CBFA2T3: variants seen among roughly 807,000 people sequenced by gnomAD.
CBFA2T3 encodes the protein CBFA2/RUNX1 partner transcriptional co-repressor 3, also known as transcriptional corepressor CBFA2T3.
A neutral mutation model predicts 58.6 loss-of-function variants in CBFA2T3; 31 were observed. That is an observed-to-expected ratio of 0.53 (90% CI 0.40 to 0.71). The LOEUF (loss-of-function observed/expected upper bound fraction) is 0.71. Among genes scored for constraint, CBFA2T3 ranks in the 30% least tolerant of loss-of-function variants. The pLI is 0.00. For missense variants in CBFA2T3, 1,076 were observed against 963.1 expected (o/e 1.12, Z -1.55); for synonymous variants, 531 against 421.9 (o/e 1.26, Z -3.17).
Position 88,954,358 on chromosome 16 carries a change from C to CCCA in CBFA2T3, c.151+22298_151+22299insTGG, listed in dbSNP as rs1567632764. Among the ~76,000 whole-genome samples the CCCA allele has an allele frequency of 3.2e-4, 46 of 143,772 alleles. 4 individuals are homozygous for CCCA. Among genetic ancestry groups the CCCA allele is most frequent in the African/African-American group, 1.3e-3 (45 of 35,534 alleles). 94.3% of individuals were successfully genotyped at this position (143,772 alleles called of 152,430 possible). A position where few individuals can be genotyped will look rare whatever the true frequency, so the allele number is the denominator to read the frequency against. ...CCTGACCCCAGCCAAGGCTCCTGAC[C>CCCA]TCACCCAAGGCTCCTGACCCCACCC... is the stretch of plus-strand genomic sequence containing the variant. On this transcript the variant is annotated intron_variant, in intron 1 of 11. Coordinates refer to ENST00000268679, the MANE Select transcript of CBFA2T3 (RefSeq NM_005187.6).
rs915266157 is a variant in CBFA2T3 at position 88,953,177 on chromosome 16, G to A, written c.151+23480C>T. 7.2e-5 allele frequency among the ~76,000 whole-genome samples: 11 copies of A among 152,246 alleles called. No individual in the cohort carries two copies. The East Asian group carries it at 7.7e-4, about 11-fold the overall frequency. On this transcript the variant is annotated intron_variant, in intron 1 of 11. Transcript: ENST00000268679. The surrounding 1 kb of genome is among the most constrained non-coding windows in gnomAD (Gnocchi z 4.9). ...ATGAGGAGTGCCGTGCCTGGGCTGG[G>A]CCATCGCCTCTCTCCCTCGGCTGGG...
At chr16:88,878,445 G>C (rs1968924106) in intron 11 of CBFA2T3, among the ~76,000 whole-genome samples, 1 of 152,236 alleles carries the variant, frequency 6.6e-6, no homozygotes, top group African/African-American at 2.4e-5. Flanking sequence ...GGCTCCCCTG[G>C]AAAGGGTCTC....
In CBFA2T3 at chr16:88,953,986, G is replaced by A. The variant is rs910952776; in HGVS notation, c.151+22671C>T. Among the ~76,000 whole-genome samples the A allele has an allele frequency of 6.6e-6, 1 of 152,114 alleles. No homozygotes were observed. The highest frequency in any genetic ancestry group is 2.4e-5 in the African/African-American group (1 of 41,404). ...GCCTCTAACAGCTGACACCATGTCAGGACAGTGGCTACCTAGCAGGAAGCT... is the reference window on the plus strand; with the variant it reads ...GCCTCTAACAGCTGACACCATGTCAAGACAGTGGCTACCTAGCAGGAAGCT... On this transcript the variant is annotated intron_variant, in intron 1 of 11. Coordinates refer to ENST00000268679, the MANE Select transcript of CBFA2T3 (RefSeq NM_005187.6). The surrounding 1 kb of genome is among the most constrained non-coding windows in gnomAD (Gnocchi z 4.9).
At chr16:88,942,504 C>G (rs1405499487) in intron 1 of CBFA2T3, among the ~76,000 whole-genome samples, 1 of 152,214 alleles carries the variant, frequency 6.6e-6, no homozygotes, top group Non-Finnish European at 1.5e-5. Context: ...TGCCGCGGGC[C>G]TTTTCCCCCC....
At chr16:88,887,400 C>T (rs1359926721) in intron 5 of CBFA2T3, among the ~76,000 whole-genome samples, 2 of 152,138 alleles carry the variant, frequency 1.3e-5, no homozygotes, top group African/African-American at 4.8e-5. Flanking sequence ...GTTCGGGAAC[C>T]GGCTGGTCGC....
chr16:88,891,727 G>A (rs1471176544), intron 5 of CBFA2T3, among the ~76,000 whole-genome samples, 155 bp downstream of exon 5: 1 of 151,966 alleles, frequency 6.6e-6, no homozygotes, highest in African/African-American at 2.4e-5. Context: ...GTCCCAGGTT[G>A]GCCAAGATCG....
chr16:88,955,959 C>G (rs1376020527), intron 1 of CBFA2T3, among the ~76,000 whole-genome samples: 3 of 147,194 alleles, frequency 2.0e-5, no homozygotes, highest in Non-Finnish European at 4.4e-5. Context: ...CTGACCCCAG[C>G]CAAGGCTCCT....
chr16:88,910,501 C>T (rs1048603138), intron 1 of CBFA2T3, among the ~76,000 whole-genome samples: 3 of 152,224 alleles, frequency 2.0e-5, no homozygotes, highest in Non-Finnish European at 2.9e-5. Context: ...AGGCACAGCC[C>T]ACTGAGGACC....
At chr16:88,968,923 C>T (rs1972580686) in intron 1 of CBFA2T3, among the ~76,000 whole-genome samples, 2 of 151,830 alleles carry the variant, frequency 1.3e-5, no homozygotes, top group African/African-American at 4.8e-5. Context: ...CCTCTGAGCT[C>T]CAGGGTCTGC....
chr16:88,900,379 G>A (rs896061617), intron 2 of CBFA2T3, among the ~76,000 whole-genome samples: 1 of 152,274 alleles, frequency 6.6e-6, no homozygotes, highest in African/African-American at 2.4e-5. Flanking sequence ...CTCTCCAGAT[G>A]GAGGGGAGAT....
rs1295414878 is a variant in CBFA2T3 at position 88,898,844 on chromosome 16, G to A, written c.305-692C>T. Among the ~76,000 whole-genome samples, 3 of 152,312 alleles carry A rather than the reference G, an allele frequency of 2.0e-5. No individual in the cohort carries two copies. The East Asian group carries it at 5.8e-4, about 29-fold the overall frequency. ...TCAAGACCAGCCTGGGCGACGTAGG[G>A]AGACCCAAACTCTACTATATAAAAA... On this transcript the variant is annotated intron_variant, in intron 2 of 11. Coordinates refer to ENST00000268679, the MANE Select transcript of CBFA2T3 (RefSeq NM_005187.6).
intron 1 of CBFA2T3, among the ~76,000 whole-genome samples, chr16:88,916,179 T>C (rs939718317): frequency 6.6e-5 from 10 of 150,602 alleles, no homozygotes; most frequent in Non-Finnish European, 7.4e-5. Flanking sequence ...TGTATTCATG[T>C]GTGCGCATGG....
chr16:88,877,097 G>C lies in CBFA2T3; in HGVS notation c.1841C>G (p.Ala614Gly). The C allele has an allele frequency of 6.5e-7, 1 of 1,542,740 alleles. No individual in the cohort carries two copies. The highest frequency in any genetic ancestry group is 8.7e-7 in the Non-Finnish European group (1 of 1,143,402). The part of the protein sequence containing the change: ...ADPVPGPPEA[A>G]HSLGPSLPVG... ...AGGCAGGGAGGGGCCCAGGCTGTGG[G>C]CGGCTTCGGGCGGTCCAGGCACCGG... is the stretch of plus-strand genomic sequence containing the variant. The change falls in exon 12 of 12, where the codon GCC (alanine) becomes GGC (glycine). Residue 614 changes from alanine to glycine, a missense_variant. By Grantham distance (60) the Ala-to-Gly change is moderately conservative. Transcript: ENST00000268679.
chr16:88,908,169 C>T (rs377670820), intron 1 of CBFA2T3, among the ~76,000 whole-genome samples: 52 of 152,232 alleles, frequency 3.4e-4, no homozygotes, highest in African/African-American at 1.2e-3. Context: ...TGGTGAAACC[C>T]CGTCTCTACT....
intron 3 of CBFA2T3, among the ~76,000 whole-genome samples, chr16:88,896,888 A>G (rs1969907689): frequency 6.6e-6 from 1 of 151,570 alleles, no homozygotes; most frequent in African/African-American, 2.4e-5. Flanking sequence ...CTGCCCGCGC[A>G]CTCCCTCCCG....
At chr16:88,969,449 G>A (rs920105771) in intron 1 of CBFA2T3, among the ~76,000 whole-genome samples, 1 of 152,238 alleles carries the variant, frequency 6.6e-6, no homozygotes, top group Non-Finnish European at 1.5e-5. Flanking sequence ...GGGCCCCTTG[G>A]GAAGGAGTGC....
chr16:88,914,371 C>T lies in CBFA2T3; in HGVS notation c.152-12715G>A, dbSNP rs78946163. The stretch of plus-strand genomic sequence containing the variant: ...TGCACGTGATGCTTTGTGGTGCACA[C>T]TTCTGTGTGCAGTGCTGCGAGCATA... On this transcript the variant is annotated intron_variant, in intron 1 of 11. Coordinates refer to ENST00000268679, the MANE Select transcript of CBFA2T3 (RefSeq NM_005187.6). Among the ~76,000 whole-genome samples, 731 of 152,356 alleles carry T rather than the reference C, an allele frequency of 4.8e-3. 9 individuals carry two copies. Among genetic ancestry groups the T allele is most frequent in the African/African-American group, 0.017 (712 of 41,580 alleles).
chr16:88,966,407 C>T (rs1019870263), intron 1 of CBFA2T3, among the ~76,000 whole-genome samples: 2 of 151,792 alleles, frequency 1.3e-5, no homozygotes, highest in Admixed American at 1.3e-4. Flanking sequence ...GTCCACAGAC[C>T]TCCCGGCCCC....
chr16:88,936,250 G>GTATC (rs1178365875), intron 1 of CBFA2T3, among the ~76,000 whole-genome samples: 1 of 152,168 alleles, frequency 6.6e-6, no homozygotes, highest in Non-Finnish European at 1.5e-5. Context: ...CGTCTCCCAG[G>GTATC]TATCTCCCAT....
Sources: gnomAD v4.1 joint callset for allele counts (sites outside exome capture counted in the v4.1 genomes callset) on GRCh38, gnomAD v4.1.1 for gene constraint, Gnocchi (gnomAD v3.1) non-coding constraint, MANE v1.5 for transcripts, NCBI Gene and HGNC (gene_info 2026-07-23, HGNC 2026-07-21) for gene names.